ARHGEF33: variants seen among roughly 807,000 people sequenced by gnomAD.
ARHGEF33 encodes DH and coiled-coil domain-containing protein ENSP00000381780.
A neutral mutation model predicts 101.9 loss-of-function variants in ARHGEF33; 72 were observed. That is an observed-to-expected ratio of 0.71 (90% confidence interval 0.58 to 0.86). The LOEUF (loss-of-function observed/expected upper bound fraction) is 0.86. ARHGEF33 is among the 40% of genes least tolerant of loss of function. ARHGEF33 has a pLI of 0.00. For synonymous variants in ARHGEF33, 499 were observed against 442.5 expected, an observed-to-expected ratio of 1.13 and a Z score of -1.60; for missense variants, 1,169 against 1,111.3, an observed-to-expected ratio of 1.05 and a Z score of -0.74.
In ARHGEF33 at chr2:38,966,127, G is replaced by A. The variant is rs1290263445; in HGVS notation, c.2465G>A (p.Arg822His). The A allele has an allele frequency of 1.0e-5, 16 of 1,551,534 alleles. No individual in the cohort carries two copies. The highest frequency in any genetic ancestry group is 3.6e-5 in the South Asian group (3 of 84,006). Residue 822 changes from arginine to histidine, a missense_variant, in exon 17 of 18, where the codon CGC becomes CAC. Coordinates refer to ENST00000409978, the MANE Select transcript of ARHGEF33 (RefSeq NM_001145451.5). ...DQKGGFRSSF[R>H]KLFKKKSSGS... is the part of the protein sequence containing the mutation. ...AAGGGGGGCTTTCGCAGCTCCTTCC[G>A]CAAGCTCTTTAAAAAGAAGTGAGTA...
chr2:38,965,337 G>GA (rs1051705443), intron 16 of ARHGEF33, among the ~76,000 whole-genome samples: 1 of 152,088 alleles, frequency 6.6e-6, no homozygotes, highest in Non-Finnish European at 1.5e-5. Flanking sequence ...CTCACACTTA[G>GA]AAAAAACTAG....
At chr2:38,899,026 A>G (rs549253641) in intron 2 of ARHGEF33, among the ~76,000 whole-genome samples, 2 of 152,032 alleles carry the variant, frequency 1.3e-5, no homozygotes, top group East Asian at 1.9e-4. Flanking sequence ...CTAACTCATT[A>G]ATTTTTTTTT....
At chr2:38,912,514 A>G (rs1443138015) in intron 2 of ARHGEF33, among the ~76,000 whole-genome samples, 2 of 152,210 alleles carry the variant, frequency 1.3e-5, no homozygotes, top group Non-Finnish European at 2.9e-5. Context: ...ATTCTCGTCA[A>G]CCTAGAAATT....
intron 7 of ARHGEF33, among the ~76,000 whole-genome samples, chr2:38,933,794 G>A (rs1051143846): frequency 6.6e-5 from 10 of 152,172 alleles, no homozygotes; most frequent in Admixed American, 1.3e-4. Flanking sequence ...ACATAAGGAC[G>A]TAAATGCTAA....
chr2:38,956,911 T>C lies in ARHGEF33; in HGVS notation c.1234T>C (p.Phe412Leu). ...CCCCTCCATCCAGAACGTCCTGAAG[T>C]TCACAGAGCAGGAGCACCCTGACTA... ...YLIHLQNVLK[F>L]TEQEHPDYYL... Residue 412 changes from phenylalanine (F) to leucine (L), a missense_variant, in exon 14 of 18, where the codon TTC (phenylalanine) becomes CTC (leucine). By Grantham distance (22) the Phe-to-Leu change is conservative. Transcript: ENST00000409978. 1.3e-6 allele frequency: 2 copies of C among 1,552,366 alleles called. No homozygotes were observed. Among genetic ancestry groups the C allele is most frequent in the Non-Finnish European group, 1.7e-6 (2 of 1,147,126 alleles).
chr2:38,970,579 A>G (rs1668145560), intron 17 of ARHGEF33, among the ~76,000 whole-genome samples: 1 of 152,220 alleles, frequency 6.6e-6, no homozygotes, highest in Non-Finnish European at 1.5e-5. Flanking sequence ...ATGTTTCTCA[A>G]TAAGCCATTT....
At chr2:38,928,298 C>G (rs1048886207) in intron 4 of ARHGEF33, among the ~76,000 whole-genome samples, 2 of 152,144 alleles carry the variant, frequency 1.3e-5, no homozygotes, top group African/African-American at 4.8e-5. Flanking sequence ...TCCTACCATA[C>G]CCTACCAGAT....
At chr2:38,899,263 G>C (rs1470734230) in intron 2 of ARHGEF33, among the ~76,000 whole-genome samples, 3 of 152,004 alleles carry the variant, frequency 2.0e-5, no homozygotes, top group Admixed American at 6.6e-5. Context: ...TAAACTATCT[G>C]ATCATTAAAA....
intron 9 of ARHGEF33, among the ~76,000 whole-genome samples, chr2:38,942,492 G>A (rs541054115): frequency 7.8e-6 from 1 of 128,834 alleles, no homozygotes; most frequent in South Asian, 2.4e-4. Context: ...TTTTAAGAAA[G>A]GGAGATTTCT....
Position 38,974,985 on chromosome 2 carries a change from T to A in ARHGEF33, c.*1142T>A, listed in dbSNP as rs550312632. 11 of 152,178 alleles carry A rather than the reference T, an allele frequency of 7.2e-5. No individual in the cohort carries two copies. In the East Asian group the frequency reaches 1.9e-3, roughly 27 times the overall value. 9.4% of individuals were successfully genotyped at this position (152,178 alleles called of 1,614,324 possible). A position where few individuals can be genotyped will look rare whatever the true frequency, so the allele number is the denominator to read the frequency against. ...TATGCCCCAAACATCAGATTTATAA[T>A]AGAAAAAAAATTGGGTTTAAACAAT... On this transcript the variant is annotated 3_prime_UTR_variant, in exon 18 of 18. Coordinates refer to ENST00000409978, the MANE Select transcript of ARHGEF33 (RefSeq NM_001145451.5).
chr2:38,912,716 T>G (rs1666534437), intron 2 of ARHGEF33, among the ~76,000 whole-genome samples: 1 of 152,168 alleles, frequency 6.6e-6, no homozygotes, highest in African/African-American at 2.4e-5. Flanking sequence ...TTGAAACTAT[T>G]TGGAGAAAGC....
chr2:38,919,315 C>A, intron 2 of ARHGEF33, 48 bp from the exon 3 acceptor site: 1 of 876,936 alleles, frequency 1.1e-6, no homozygotes, highest in Non-Finnish European at 1.8e-6. Context: ...AATACAGTTT[C>A]TTTGACAGTT....
intron 16 of ARHGEF33, among the ~76,000 whole-genome samples, chr2:38,961,713 T>A (rs1667947810): frequency 6.6e-6 from 1 of 152,016 alleles, no homozygotes; most frequent in Non-Finnish European, 1.5e-5. Flanking sequence ...ACCACTGGCT[T>A]AGTACAGGAA....
chr2:38,972,571 C>T (rs2095395647), intron 17 of ARHGEF33, among the ~76,000 whole-genome samples: 1 of 152,188 alleles, frequency 6.6e-6, no homozygotes, highest in South Asian at 2.1e-4. Context: ...CCTAGTCAGT[C>T]ATCAGGTTTC....
chr2:38,914,063 C>T (rs189089696), intron 2 of ARHGEF33, among the ~76,000 whole-genome samples: 3 of 152,300 alleles, frequency 2.0e-5, no homozygotes, highest in African/African-American at 7.2e-5. Flanking sequence ...TATCACTTGT[C>T]ACCCATCTGA....
Position 38,963,863 on chromosome 2 carries a change from G to A in ARHGEF33, c.2344-2143G>A, listed in dbSNP as rs143905358. 6.0e-3 allele frequency among the ~76,000 whole-genome samples: 910 copies of A among 152,224 alleles called. 3 individuals carry two copies. Among genetic ancestry groups the A allele is most frequent in the Middle Eastern group, 0.01 (3 of 294 alleles). On this transcript the variant is annotated intron_variant, in intron 16 of 17. Transcript: ENST00000409978. The stretch of plus-strand genomic sequence containing the variant: ...TGGTCCCCGACTTTTTTGGCACCAG[G>A]GACCAGTTTTGGGAAAGGCAATTTT...
chr2:38,897,135 C>T lies in ARHGEF33; in HGVS notation c.-86+1286C>T, dbSNP rs969864624. On this transcript the variant is annotated intron_variant, in intron 2 of 17. Transcript: ENST00000409978. ...TTCATCATATTGGTCAGGCTGGTCTCGAACTCCTGACCCAGTGGTCCGCCC... is the reference window on the plus strand; with the variant it reads ...TTCATCATATTGGTCAGGCTGGTCTTGAACTCCTGACCCAGTGGTCCGCCC... 4.6e-5 allele frequency among the ~76,000 whole-genome samples: 7 copies of T among 152,022 alleles called. No individual in the cohort carries two copies. The South Asian group carries it at 8.3e-4, about 18-fold the overall frequency.
intron 17 of ARHGEF33, chr2:38,973,096 C>T (rs796310627): frequency 4.6e-5 from 7 of 152,334 alleles, no homozygotes; most frequent in African/African-American, 1.7e-4. Context: ...AAGAATGCAC[C>T]CTCGACTGGG....
chr2:38,897,270 A>G (rs981740769), intron 2 of ARHGEF33, among the ~76,000 whole-genome samples: 1 of 152,214 alleles, frequency 6.6e-6, no homozygotes, highest in Non-Finnish European at 1.5e-5. Flanking sequence ...AAAGATTTTC[A>G]CAGTATCACA....
Sources: allele counts gnomAD v4.1 joint callset (sites outside exome capture counted in the v4.1 genomes callset), GRCh38; gene constraint gnomAD v4.1.1; transcripts MANE v1.5; gene names NCBI Gene and HGNC (gene_info 2026-07-23, HGNC 2026-07-21).